SMYD3: variants seen among roughly 807,000 people sequenced by gnomAD.
SMYD3 encodes the protein histone-lysine N-methyltransferase SMYD3.
Under a neutral mutation model 57.7 loss-of-function variants are expected in SMYD3, and 36 were observed. The observed-to-expected ratio is 0.62, with a 90% CI of 0.48 to 0.82. SMYD3 has a LOEUF of 0.82. Among genes scored for constraint, SMYD3 ranks in the 40% least tolerant of loss-of-function variants. The probability of loss-of-function intolerance (pLI) is 0.00; values close to 1 mark genes in which losing one functional copy is unlikely to be tolerated. For missense variants in SMYD3, 515 were observed against 538.8 expected (o/e 0.96, Z 0.44); for synonymous variants, 211 against 195.0 (o/e 1.08, Z -0.68).
intron 8 of SMYD3, among the ~76,000 whole-genome samples, chr1:245,872,060 C>A (rs909186772): frequency 1.3e-5 from 2 of 152,224 alleles, no homozygotes; most frequent in African/African-American, 4.8e-5. Flanking sequence ...CAGCCTCTGA[C>A]ATCCACAGGC....
rs146442094 is a variant in SMYD3 at position 245,811,159 on chromosome 1, C to A, written c.1077-47010G>T. 2.0e-5 allele frequency among the ~76,000 whole-genome samples: 3 copies of A among 152,272 alleles called. No individual in the cohort carries two copies. The East Asian group carries it at 5.8e-4, about 29-fold the overall frequency. On this transcript the variant is annotated intron_variant, in intron 10 of 11. Transcript: ENST00000490107. ...CCTATTCCTGTGGCCTTTCCAGTTT[C>A]CCAGGGTGATGCAAATGAACACCGT...
In SMYD3 at chr1:245,877,992, G is replaced by A. The variant is rs536432566; in HGVS notation, c.814-14106C>T. On this transcript the variant is annotated intron_variant, in intron 8 of 11. Transcript: ENST00000490107. ...AAAGCGGAGAAGTAAAGGAGGGCACGGAAACGAAAGGAGAGTGTTCCCAGG... is the reference window on the plus strand; with the variant it reads ...AAAGCGGAGAAGTAAAGGAGGGCACAGAAACGAAAGGAGAGTGTTCCCAGG... 2.4e-4 allele frequency among the ~76,000 whole-genome samples: 37 copies of A among 152,242 alleles called. No homozygotes were observed. In the South Asian group the frequency reaches 4.4e-3, roughly 18 times the overall value.
intron 8 of SMYD3, among the ~76,000 whole-genome samples, chr1:245,905,164 T>C (rs2054477585): frequency 6.6e-6 from 1 of 151,502 alleles, no homozygotes; most frequent in Non-Finnish European, 1.5e-5. Context: ...ACTCAGCACA[T>C]AACCAGCTGT....
intron 1 of SMYD3, among the ~76,000 whole-genome samples, chr1:246,419,386 A>G (rs2067108536): frequency 6.6e-6 from 1 of 152,122 alleles, no homozygotes. Flanking sequence ...ATGTCCGGCC[A>G]CTTGTCTTCT....
rs369193830 is a variant in SMYD3, at chr1:246,495,290, T to A, written c.164+11764A>T. On this transcript the variant is annotated intron_variant, in intron 1 of 11. Coordinates refer to ENST00000490107, the MANE Select transcript of SMYD3 (RefSeq NM_001167740.2). Reference sequence around the variant, plus strand: ...CATGAACCCGGGAGGCGGAGCTTGCTGTGAGCCGAGATCATGCCACTGCAC... The same window carrying A: ...CATGAACCCGGGAGGCGGAGCTTGCAGTGAGCCGAGATCATGCCACTGCAC... Among the ~76,000 whole-genome samples, 325 of 138,986 alleles carry A rather than the reference T, an allele frequency of 2.3e-3. 3 individuals carry two copies. Among genetic ancestry groups the A allele is most frequent in the African/African-American group, 8.5e-3 (304 of 35,958 alleles). 91.2% of individuals were successfully genotyped at this position (138,986 alleles called of 152,430 possible).
chr1:246,243,533 G>A (rs2063652798), intron 5 of SMYD3, among the ~76,000 whole-genome samples: 1 of 150,696 alleles, frequency 6.6e-6, no homozygotes, highest in South Asian at 2.1e-4. Flanking sequence ...CTATTAGAAA[G>A]ACGTTGGTCT....
At chr1:246,406,214 G>A (rs1245530660) in intron 1 of SMYD3, among the ~76,000 whole-genome samples, 2 of 151,966 alleles carry the variant, frequency 1.3e-5, no homozygotes, top group Admixed American at 6.6e-5. Context: ...GTGAGCCACC[G>A]CGCCCAGCCA....
chr1:245,932,112 T>C (rs1004218547), intron 5 of SMYD3, among the ~76,000 whole-genome samples: 4 of 152,196 alleles, frequency 2.6e-5, no homozygotes, highest in Admixed American at 2.6e-4. Flanking sequence ...TTAACAAATA[T>C]TTTAAAGTAT....
chr1:246,044,497 G>C (rs1324430528), intron 5 of SMYD3, among the ~76,000 whole-genome samples: 2 of 152,106 alleles, frequency 1.3e-5, no homozygotes, highest in African/African-American at 4.8e-5. Flanking sequence ...AATTTTGTAG[G>C]TACGTAAAAC....
intron 5 of SMYD3, among the ~76,000 whole-genome samples, chr1:245,990,347 C>T (rs1330794071): frequency 6.6e-6 from 1 of 152,166 alleles, no homozygotes; most frequent in Admixed American, 6.5e-5. Flanking sequence ...CCTGGGCATC[C>T]CAAAGTGCTG....
intron 1 of SMYD3, among the ~76,000 whole-genome samples, chr1:246,437,133 G>C (rs1342029480): frequency 6.6e-6 from 1 of 151,982 alleles, no homozygotes; most frequent in Admixed American, 6.6e-5. Flanking sequence ...TCCTGACCTC[G>C]GGTGATCCAC....
intron 8 of SMYD3, among the ~76,000 whole-genome samples, chr1:245,875,599 G>A (rs2148529760): frequency 6.6e-6 from 1 of 152,214 alleles, no homozygotes; most frequent in East Asian, 1.9e-4. Context: ...GTTCAAAATG[G>A]CTTTTTGAGT....
chr1:246,061,051 C>A (rs1558192171), intron 5 of SMYD3, among the ~76,000 whole-genome samples: 1 of 151,904 alleles, frequency 6.6e-6, no homozygotes. Flanking sequence ...CCTGGTGAAA[C>A]CCCAGCTCTA....
At chr1:246,432,528 C>T (rs1035452160) in intron 1 of SMYD3, among the ~76,000 whole-genome samples, 4 of 152,320 alleles carry the variant, frequency 2.6e-5, no homozygotes, top group East Asian at 3.9e-4. Flanking sequence ...CAAGAAACAG[C>T]AGGAGATTCT....
intron 5 of SMYD3, among the ~76,000 whole-genome samples, chr1:246,158,060 G>A (rs2062050754): frequency 6.6e-6 from 1 of 152,210 alleles, no homozygotes; most frequent in African/African-American, 2.4e-5. Flanking sequence ...AAGAGCCAGG[G>A]AGCACTAGCT....
chr1:245,921,841 G>A (rs10924389), intron 7 of SMYD3, among the ~76,000 whole-genome samples: 6 of 152,106 alleles, frequency 3.9e-5, no homozygotes, highest in Admixed American at 2.6e-4. Context: ...GGCACTACTA[G>A]AGAGGGAGGT....
At position 246,093,966 on chromosome 1, in the gene SMYD3, G is replaced by A. The variant is rs76650456; in HGVS notation, c.532-164029C>T. Among the ~76,000 whole-genome samples the A allele has an allele frequency of 5.6e-3, 845 of 152,064 alleles. 7 individuals are homozygous for A. Among genetic ancestry groups the A allele is most frequent in the African/African-American group, 0.019 (794 of 41,472 alleles). ...CTGGTTTACTAGAAGTCGGTGTAGCGTGTGTTTCACTATCCTGCATATATC... is the reference window on the plus strand; with the variant it reads ...CTGGTTTACTAGAAGTCGGTGTAGCATGTGTTTCACTATCCTGCATATATC... On this transcript the variant is annotated intron_variant, in intron 5 of 11. Transcript: ENST00000490107.
At chr1:246,495,388 C>A (rs1479175221) in intron 1 of SMYD3, among the ~76,000 whole-genome samples, 2 of 148,788 alleles carry the variant, frequency 1.3e-5, no homozygotes, top group African/African-American at 5.0e-5. Context: ...ATGCTCCAGC[C>A]ACACTCCAGA....
chr1:246,166,245 G>A lies in SMYD3; in HGVS notation c.531+160956C>T, dbSNP rs185371629. The stretch of plus-strand genomic sequence containing the variant: ...ATACTGAACGTGAAAAACCCTCTGG[G>A]CACAGGCTGCACCAGGCCACACACT... On this transcript the variant is annotated intron_variant, in intron 5 of 11. Transcript: ENST00000490107. Among the ~76,000 whole-genome samples the A allele has an allele frequency of 1.5e-3, 232 of 152,276 alleles. 1 individual carries two copies. Among genetic ancestry groups the A allele is most frequent in the African/African-American group, 5.2e-3 (217 of 41,552 alleles).
Sources: allele counts gnomAD v4.1 joint callset (sites outside exome capture counted in the v4.1 genomes callset), GRCh38; gene constraint gnomAD v4.1.1; transcripts MANE v1.5; gene names NCBI Gene and HGNC (gene_info 2026-07-23, HGNC 2026-07-21).